Variants in ADAMTS13 observed in about 807,000 individuals in gnomAD.
The protein encoded by ADAMTS13 is A disintegrin and metalloproteinase with thrombospondin motifs 13.
A neutral mutation model predicts 155.1 loss-of-function variants in ADAMTS13; 110 were observed. The ratio of observed to expected loss-of-function variants is 0.71; its 90% CI spans 0.61 to 0.83. The LOEUF is 0.83. ADAMTS13 is among the 40% of genes least tolerant of loss of function. ADAMTS13 has a pLI of 0.00. For missense variants in ADAMTS13, 1,707 were observed against 1,891.7 expected (o/e 0.90, Z 1.81); for synonymous variants, 758 against 756.4 (o/e 1.00, Z -0.03).
intron 11 of ADAMTS13, among the ~76,000 whole-genome samples, chr9:133,433,941 C>A (rs1840986129): frequency 6.6e-6 from 1 of 151,920 alleles, no homozygotes; most frequent in African/African-American, 2.4e-5. Context: ...ACAGAAAATA[C>A]AAAAATTAGC....
chr9:133,438,102 G>A, intron 13 of ADAMTS13, 144 bp from the exon 14 acceptor site: 36 of 1,504,114 alleles, frequency 2.4e-5, no homozygotes, highest in Non-Finnish European at 3.2e-5. Context: ...AGCCCTCTAA[G>A]CTTGCTTCCT....
chr9:133,414,413 G>A (rs1383161030), exon 1 of ADAMTS13: 8 of 675,276 alleles, frequency 1.2e-5, no homozygotes, highest in Non-Finnish European at 1.9e-5. Flanking sequence ...GCTTCAGCAC[G>A]CTTTCCTTCC....
chr9:133,453,877 C>T lies in ADAMTS13; in HGVS notation c.3045-538C>T, dbSNP rs181833928. 4.8e-3 allele frequency among the ~76,000 whole-genome samples: 732 copies of T among 152,200 alleles called. 4 individuals are homozygous for T. Among genetic ancestry groups the T allele is most frequent in the Non-Finnish European group, 5.5e-3 (376 of 68,010 alleles). On this transcript the variant is annotated intron_variant, in intron 23 of 28. Transcript: ENST00000355699. The stretch of plus-strand genomic sequence containing the variant: ...CGGAAGGCACGGGTCCAAGAGGCAG[C>T]GCTGCAGGGTCATGGGGGAGCACAG...
rs587658464 is a variant in ADAMTS13, at chr9:133,448,179, G to A, written c.2732-420G>A. Among the ~76,000 whole-genome samples the A allele has an allele frequency of 2.0e-4, 30 of 151,542 alleles. No individual in the cohort carries two copies. The South Asian group carries it at 5.2e-3, about 26-fold the overall frequency. ...TAATTTTTGTATTTTTAGTAGAGAC[G>A]GGGTTTCACCATGTTGGTCAGGCTC... On this transcript the variant is annotated intron_variant, in intron 21 of 28. Coordinates refer to ENST00000355699, the MANE Select transcript of ADAMTS13 (RefSeq NM_139027.6).
chr9:133,456,528 C>G lies in ADAMTS13; in HGVS notation c.3548-15C>G. 1 of 1,612,096 alleles carries G rather than the reference C, an allele frequency of 6.2e-7. No individual in the cohort carries two copies. The highest frequency in any genetic ancestry group is 1.1e-5 in the South Asian group (1 of 90,710). On this transcript the variant is annotated splice_polypyrimidine_tract_variant and intron_variant, in intron 26 of 28. Coordinates refer to ENST00000355699, the MANE Select transcript of ADAMTS13 (RefSeq NM_139027.6). The surrounding 1 kb of genome is among the most constrained non-coding windows in gnomAD (Gnocchi z 4.4). ...CGTGGGAGTGCTGGACCCTCACTGC[C>G]CTGCCGCTTCCTAGGGGACATGTTG...
In ADAMTS13 at chr9:133,445,831, C is replaced by A. The variant is rs782782086; in HGVS notation, c.2731+12C>A. The A allele has an allele frequency of 6.4e-7, 1 of 1,566,620 alleles. No homozygotes were observed. The highest frequency in any genetic ancestry group is 8.7e-7 in the Non-Finnish European group (1 of 1,150,052). ...CTCCTGCGGGCGAGGTGAGGGCCCC[C>A]GGGATGCTCCTGGGGACCAGCACTC... On this transcript the variant is annotated intron_variant, in intron 21 of 28. Transcript: ENST00000355699. This position sits in a 1 kb window ranked among gnomAD's most constrained non-coding sequence, Gnocchi z 5.0.
Position 133,423,988 on chromosome 9 carries a change from C to T in ADAMTS13, c.173-333C>T, listed in dbSNP as rs587612109. Among the ~76,000 whole-genome samples, 3 of 152,362 alleles carry T rather than the reference C, an allele frequency of 2.0e-5. No individual in the cohort carries two copies. In the South Asian group the frequency reaches 6.2e-4, roughly 32 times the overall value. ...GCTCCACTCGTGTTCAGTTTCCTGT[C>T]GGGGTCCATGATGTTACTTGTGAAA... is the stretch of plus-strand genomic sequence containing the variant. On this transcript the variant is annotated intron_variant, in intron 2 of 28. Transcript: ENST00000355699.
intron 23 of ADAMTS13, among the ~76,000 whole-genome samples, chr9:133,453,131 G>A (rs1281653719): frequency 3.3e-5 from 5 of 151,876 alleles, no homozygotes; most frequent in African/African-American, 4.8e-5. Context: ...GTGAGACCCC[G>A]TCTCTACAAA....
chr9:133,457,821 G>T, intron 27 of ADAMTS13, 89 bp from the exon 28 acceptor site: 1 of 1,538,524 alleles, frequency 6.5e-7, no homozygotes. Context: ...GTGCCATGCT[G>T]CCCTGCACGG....
chr9:133,443,692 G>A lies in ADAMTS13; in HGVS notation c.2420+131G>A, dbSNP rs113661641. 14 of 1,031,580 alleles carry A rather than the reference G, an allele frequency of 1.4e-5. 1 individual carries two copies. Among genetic ancestry groups the A allele is most frequent in the African/African-American group, 8.1e-5 (5 of 61,610 alleles). The allele number at this position is 1,031,580 out of a possible 1,614,324, so 63.9% of individuals were successfully genotyped here. On this transcript the variant is annotated intron_variant, in intron 19 of 28. Transcript: ENST00000355699. Reference sequence around the variant, plus strand: ...CGGGGCCTCACCATCCAGGGTGATGGGCAGTGTCACCTGGCGGTTGTAAGT... The same window carrying A: ...CGGGGCCTCACCATCCAGGGTGATGAGCAGTGTCACCTGGCGGTTGTAAGT...
rs114305329 is a variant in ADAMTS13 at position 133,425,668 on chromosome 9, G to C, written c.414+56G>C. 9 of 1,563,600 alleles carry C rather than the reference G, an allele frequency of 5.8e-6. No individual in the cohort carries two copies. The highest frequency in any genetic ancestry group is 7.0e-6 in the Non-Finnish European group (8 of 1,144,158). On this transcript the variant is annotated intron_variant, in intron 4 of 28. Transcript: ENST00000355699. This position sits in a 1 kb window ranked among gnomAD's most constrained non-coding sequence, Gnocchi z 4.6. Reference sequence around the variant, plus strand: ...TACAGAGCGGGAAGCCCAAGTCATCGCATCTCCATCCTCTTTAACCTCTTG... The same window carrying C: ...TACAGAGCGGGAAGCCCAAGTCATCCCATCTCCATCCTCTTTAACCTCTTG...
Position 133,459,213 on chromosome 9 carries a change from G to T in ADAMTS13, c.*33G>T. ...TGAACATTTGTTCCGTGTCTGGCCAGCCCTGGAGGGTTGACCCCTGGTCTC... is the reference window on the plus strand; with the variant it reads ...TGAACATTTGTTCCGTGTCTGGCCATCCCTGGAGGGTTGACCCCTGGTCTC... On this transcript the variant is annotated 3_prime_UTR_variant, in exon 29 of 29. Coordinates refer to ENST00000355699, the MANE Select transcript of ADAMTS13 (RefSeq NM_139027.6). The T allele has an allele frequency of 3.2e-6, 5 of 1,568,022 alleles. No homozygotes were observed. The highest frequency in any genetic ancestry group is 3.5e-6 in the Non-Finnish European group (4 of 1,152,670).
intron 19 of ADAMTS13, among the ~76,000 whole-genome samples, chr9:133,444,144 T>C (rs911882861): frequency 2.0e-5 from 3 of 152,112 alleles, no homozygotes; most frequent in South Asian, 2.1e-4. Flanking sequence ...TGAGGCCAGA[T>C]AGGGCCTCAG....
chr9:133,424,390 A>G lies in ADAMTS13; in HGVS notation c.242A>G (p.His81Arg), dbSNP rs781958663. ...AGGCGGGCTGCAGGCGGCATCCTAC[A>G]CCTGGAGCTGCTGGTGGCCGTGGGC... ...RQRRAAGGIL[H>R]LELLVAVGPD... is the part of the protein sequence containing the mutation. Residue 81 changes from histidine to arginine, a missense_variant, in exon 3 of 29, where the codon CAC becomes CGC. Physicochemically the swap from His to Arg is conservative, Grantham distance 29. Around this residue, in one of 3 missense-constraint regions of ADAMTS13, gnomAD observed 733 missense variants for 749.6 expected, o/e 0.98. Coordinates refer to ENST00000355699, the MANE Select transcript of ADAMTS13 (RefSeq NM_139027.6). The surrounding 1 kb of genome is among the most constrained non-coding windows in gnomAD (Gnocchi z 4.3). 1 of 1,613,340 alleles carries G rather than the reference A, an allele frequency of 6.2e-7. No homozygotes were observed. Among genetic ancestry groups the G allele is most frequent in the East Asian group, 2.2e-5 (1 of 44,852 alleles).
In ADAMTS13 at chr9:133,456,544, G is replaced by A. The variant is rs781794202; in HGVS notation, c.3549G>A (p.Gly1183=). Reference sequence around the variant, plus strand: ...CCTCACTGCCCTGCCGCTTCCTAGGGGACATGTTGCTGCTTTGGGGCCGGC... The same window carrying A: ...CCTCACTGCCCTGCCGCTTCCTAGGAGACATGTTGCTGCTTTGGGGCCGGC... ...VLESSLNCSA[G]DMLLLWGRLT... is the part of the protein sequence containing the mutation. The change falls in exon 27 of 29, where the codon GGG becomes GGA. Residue 1183 remains glycine (G), a splice_region_variant and synonymous_variant. Transcript: ENST00000355699. The surrounding 1 kb of genome is among the most constrained non-coding windows in gnomAD (Gnocchi z 4.4). The A allele has an allele frequency of 1.1e-5, 17 of 1,613,252 alleles. No individual in the cohort carries two copies. Among genetic ancestry groups the A allele is most frequent in the Non-Finnish European group, 1.4e-5 (16 of 1,179,900 alleles).
chr9:133,445,100 C>T lies in ADAMTS13; in HGVS notation c.2610+48C>T, dbSNP rs782637487. The T allele has an allele frequency of 6.3e-7, 1 of 1,588,726 alleles. No individual in the cohort carries two copies. Among genetic ancestry groups the T allele is most frequent in the South Asian group, 1.1e-5 (1 of 88,942 alleles). ...TGGCTGGGGCTGTTGAGTCCTTTAC[C>T]TGGCTGGGAGAACGAGGAGCACCCA... On this transcript the variant is annotated intron_variant, in intron 20 of 28. Coordinates refer to ENST00000355699, the MANE Select transcript of ADAMTS13 (RefSeq NM_139027.6). This position sits in a 1 kb window ranked among gnomAD's most constrained non-coding sequence, Gnocchi z 5.0.
intron 14 of ADAMTS13, 109 bp downstream of exon 14, chr9:133,438,475 A>C: frequency 6.6e-7 from 1 of 1,507,974 alleles, no homozygotes; most frequent in South Asian, 1.2e-5. Context: ...CTGCACACTC[A>C]CTCAGCCCTG....
At chr9:133,443,620 G>A (rs868059483) in intron 19 of ADAMTS13, 59 bp downstream of exon 19, 15 of 1,460,774 alleles carry the variant, frequency 1.0e-5, no homozygotes, top group Middle Eastern at 2.5e-4. Context: ...TCGTCCCTGC[G>A]CTGAGCCCCC....
chr9:133,444,766 G>A (rs1477825191), intron 19 of ADAMTS13, 97 bp from the exon 20 acceptor site: 4 of 1,303,304 alleles, frequency 3.1e-6, no homozygotes, highest in Middle Eastern at 2.2e-4. Context: ...TGGATGTTGG[G>A]GAGCAGGTCC....
Sources: gnomAD v4.1 joint callset for allele counts (sites outside exome capture counted in the v4.1 genomes callset) on GRCh38, gnomAD v4.1.1 for gene constraint, gnomAD v4.1.1 regional missense constraint, Gnocchi (gnomAD v3.1) non-coding constraint, MANE v1.5 for transcripts, NCBI Gene and HGNC (gene_info 2026-07-23, HGNC 2026-07-21) for gene names.